The following MYH14 variants were observed in gnomAD, a reference collection of about 807,000 sequenced individuals.
MYH14 encodes the protein myosin-14.
A neutral mutation model predicts 255.5 loss-of-function variants in MYH14; 123 were observed. That is an observed-to-expected ratio of 0.48 (90% confidence interval 0.42 to 0.56). The LOEUF is 0.56. Ranked by LOEUF, MYH14 falls within the 20% of genes least tolerant of loss-of-function variation. The pLI is 0.00. For synonymous variants in MYH14, 1,095 were observed against 1,161.2 expected, an observed-to-expected ratio of 0.94 and a Z score of 1.16; for missense variants, 2,423 against 2,802.3, an observed-to-expected ratio of 0.86 and a Z score of 3.06.
At chr19:50,309,598 C>A in intron 42 of MYH14, 42 bp from the exon 43 acceptor site, 2 of 1,395,034 alleles carry the variant, frequency 1.4e-6, no homozygotes, top group African/African-American at 1.4e-5. Context: ...CCCCTCCCCT[C>A]CCCTCATTTC....
chr19:50,214,833 G>A (rs946684871), intron 2 of MYH14, among the ~76,000 whole-genome samples: 4 of 152,146 alleles, frequency 2.6e-5, no homozygotes, highest in Admixed American at 6.5e-5. Flanking sequence ...CAGGTAGGAT[G>A]AGTGATGTAA....
At chr19:50,242,770 G>A (rs568153468) in intron 10 of MYH14, among the ~76,000 whole-genome samples, 18 of 152,298 alleles carry the variant, frequency 1.2e-4, no homozygotes, top group African/African-American at 3.4e-4. Context: ...TTACGGTCCT[G>A]CGTAGAATGG....
At chr19:50,283,860 G>A (rs2434831) in intron 33 of MYH14, among the ~76,000 whole-genome samples, 55,853 of 151,960 alleles carry the variant, frequency 0.37, 11,336 homozygotes, top group African/African-American at 0.54. Flanking sequence ...ATCACCTGAG[G>A]TTGGGAGTTT....
intron 10 of MYH14, among the ~76,000 whole-genome samples, chr19:50,238,981 C>T (rs2033778974): frequency 3.3e-5 from 5 of 152,118 alleles, no homozygotes; most frequent in Admixed American, 3.3e-4. Flanking sequence ...GTCCACAGAC[C>T]TTAGGCCAGT....
chr19:50,246,910 C>A, intron 11 of MYH14, 94 bp from the exon 12 acceptor site: 1 of 848,084 alleles, frequency 1.2e-6, no homozygotes, highest in Non-Finnish European at 1.9e-6. Flanking sequence ...GTCTTCTGCT[C>A]CCCCAACAGT....
rs762144894 is a variant in MYH14 at position 50,281,609 on chromosome 19, C to T, written c.4306C>T (p.Arg1436Trp). 69 of 1,588,494 alleles carry T rather than the reference C, an allele frequency of 4.3e-5. 1 individual carries two copies. Among genetic ancestry groups the T allele is most frequent in the South Asian group, 1.7e-4 (15 of 88,434 alleles). The change falls in exon 33 of 43, where the codon CGG becomes TGG. Residue 1436 changes from arginine (R) to tryptophan (W), a missense_variant. This residue lies in a region of MYH14 where 1,513 missense variants were observed against 1,674.8 expected (regional missense o/e 0.90). Coordinates refer to ENST00000642316, the MANE Select transcript of MYH14 (RefSeq NM_001145809.2). Reference protein sequence around the residue: ...TAQAQLSEWRRRQEEEAGALE... With the variant: ...TAQAQLSEWRWRQEEEAGALE... ...CTCCCCTCAGCTTTCCGAGTGGCGG[C>T]GGCGCCAGGAGGAGGAGGCAGGGGC...
intron 40 of MYH14, among the ~76,000 whole-genome samples, chr19:50,303,276 GA>G (rs1415517825): frequency 6.6e-6 from 1 of 152,012 alleles, no homozygotes; most frequent in Non-Finnish European, 1.5e-5. Flanking sequence ...AGAACAGCAT[GA>G]GTGGTATTGG....
At chr19:50,218,674 T>C (rs1378237007) in intron 3 of MYH14, among the ~76,000 whole-genome samples, 1 of 152,050 alleles carries the variant, frequency 6.6e-6, no homozygotes, top group Admixed American at 6.6e-5. Context: ...GAAAAGTTCT[T>C]TGGTGGCGAT....
At position 50,231,500 on chromosome 19, in the gene MYH14, G is replaced by A. The variant is rs2033384612; in HGVS notation, c.974-430G>A. On this transcript the variant is annotated intron_variant, in intron 9 of 42. Coordinates refer to ENST00000642316, the MANE Select transcript of MYH14 (RefSeq NM_001145809.2). ...AGGCAGGAGGATTGCTTGAGCCCAGGAATTTGAGTCCAGCCTGGGCAGCAT... is the reference window on the plus strand; with the variant it reads ...AGGCAGGAGGATTGCTTGAGCCCAGAAATTTGAGTCCAGCCTGGGCAGCAT... Among the ~76,000 whole-genome samples the A allele has an allele frequency of 2.6e-5, 4 of 152,192 alleles. No homozygotes were observed. The South Asian group carries it at 8.3e-4, about 32-fold the overall frequency.
intron 2 of MYH14, among the ~76,000 whole-genome samples, chr19:50,215,255 C>G (rs1400121313): frequency 1.3e-5 from 2 of 152,152 alleles, no homozygotes; most frequent in Non-Finnish European, 2.9e-5. Context: ...CCTCCGCCAG[C>G]CAGGAGTGGG....
chr19:50,246,992 T>C lies in MYH14; in HGVS notation c.1211-12T>C, dbSNP rs1239907190. The stretch of plus-strand genomic sequence containing the variant: ...CCAGTGCTGATGGAATCTTGGTGCC[T>C]CTCGCCCTCAGCTGCACAGAAGCTC... On this transcript the variant is annotated splice_polypyrimidine_tract_variant and intron_variant, in intron 11 of 42. Transcript: ENST00000642316. 6.3e-7 allele frequency: 1 copy of C among 1,594,104 alleles called. No homozygotes were observed. The highest frequency in any genetic ancestry group is 8.6e-7 in the Non-Finnish European group (1 of 1,166,316).
At chr19:50,239,770 C>T (rs528607865) in intron 10 of MYH14, among the ~76,000 whole-genome samples, 1 of 151,918 alleles carries the variant, frequency 6.6e-6, no homozygotes, top group Non-Finnish European at 1.5e-5. Context: ...AGGATGGTCT[C>T]GATCTCTTGA....
intron 10 of MYH14, among the ~76,000 whole-genome samples, chr19:50,236,023 A>T (rs1448261011): frequency 1.2e-5 from 1 of 82,318 alleles, no homozygotes; most frequent in African/African-American, 4.1e-5. Flanking sequence ...TTCCATTACT[A>T]TTGGAACAAT....
chr19:50,263,457 A>G, intron 22 of MYH14, 37 bp downstream of exon 22: 2 of 1,466,826 alleles, frequency 1.4e-6, no homozygotes, highest in Middle Eastern at 3.8e-4. Flanking sequence ...CAGTAGGGAG[A>G]GGATAGGGCC....
Position 50,223,253 on chromosome 19 carries a change from G to A in MYH14, c.597G>A (p.Glu199=), listed in dbSNP as rs2032928164. The change falls in exon 5 of 43, where the codon GAG becomes GAA. Residue 199 remains glutamate, a synonymous_variant. Transcript: ENST00000642316. ...CCCCTTGTCATCCCCACAGTGGAGA[G>A]TCTGGAGCTGGGAAGACGGAAAACA... ...REDQSILCTG[E]SGAGKTENTK... is the part of the protein sequence containing the mutation. The A allele has an allele frequency of 1.2e-6, 2 of 1,613,336 alleles. No homozygotes were observed. The highest frequency in any genetic ancestry group is 1.3e-5 in the African/African-American group (1 of 74,932).
intron 42 of MYH14, 125 bp from the exon 43 acceptor site, chr19:50,309,515 C>T: frequency 1.4e-6 from 1 of 707,002 alleles, no homozygotes; most frequent in Non-Finnish European, 2.5e-6. Flanking sequence ...CTCTCTTCCC[C>T]CTTATTTTGT....
chr19:50,275,122 G>T (rs553607040), intron 27 of MYH14, among the ~76,000 whole-genome samples: 1 of 152,046 alleles, frequency 6.6e-6, no homozygotes, highest in Non-Finnish European at 1.5e-5. Context: ...AGTGTTCATC[G>T]TCATGTCCTC....
chr19:50,210,095 TC>T (rs2032081702), intron 1 of MYH14, among the ~76,000 whole-genome samples: 1 of 57,800 alleles, frequency 1.7e-5, no homozygotes, highest in Non-Finnish European at 2.7e-5. Flanking sequence ...AGACTCCGTC[TC>T]AAAAAAAAAA....
intron 39 of MYH14, among the ~76,000 whole-genome samples, chr19:50,296,479 C>T (rs1312138881): frequency 6.6e-6 from 1 of 152,072 alleles, no homozygotes; most frequent in Non-Finnish European, 1.5e-5. Context: ...ATGGCGGGCA[C>T]GCCTGCGGCC....
Sources: allele counts gnomAD v4.1 joint callset (sites outside exome capture counted in the v4.1 genomes callset), GRCh38; gene constraint gnomAD v4.1.1; regional missense constraint gnomAD v4.1.1; transcripts MANE v1.5; gene names NCBI Gene and HGNC (gene_info 2026-07-23, HGNC 2026-07-21).